The following UBE2H variants were observed in gnomAD, a reference collection of about 807,000 sequenced individuals.
UBE2H encodes the protein ubiquitin conjugating enzyme E2 H.
In UBE2H, 3 loss-of-function variants were observed where a neutral mutation model predicts 29.0. The ratio of observed to expected loss-of-function variants is 0.10; its 90% CI spans 0.05 to 0.27. The LOEUF is 0.27. UBE2H is among the 10% of genes least tolerant of loss of function. UBE2H has a pLI of 1.00. For synonymous variants in UBE2H, 69 were observed against 82.9 expected (o/e 0.83, Z 0.91); for missense variants, 68 against 228.2 (o/e 0.30, Z 4.52).
intron 1 of UBE2H, among the ~76,000 whole-genome samples, chr7:129,907,536 CA>C (rs1425055470): frequency 6.6e-6 from 1 of 152,094 alleles, no homozygotes; most frequent in Admixed American, 6.5e-5. Context: ...GATAAGTAGA[CA>C]AAAAGCAAGA....
chr7:129,898,955 G>A (rs866645621), intron 1 of UBE2H, among the ~76,000 whole-genome samples: 3 of 151,988 alleles, frequency 2.0e-5, no homozygotes, highest in Non-Finnish European at 4.4e-5. Context: ...ACACATCCAC[G>A]TCATCACATA....
chr7:129,894,432 C>T (rs1806560275), intron 1 of UBE2H, among the ~76,000 whole-genome samples: 1 of 151,892 alleles, frequency 6.6e-6, no homozygotes, highest in African/African-American at 2.4e-5. Flanking sequence ...AGAACAAGAC[C>T]TTGTCTCTAA....
intron 1 of UBE2H, among the ~76,000 whole-genome samples, chr7:129,936,584 ACTCCATCT>A: frequency 8.1e-6 from 1 of 123,402 alleles, no homozygotes; most frequent in Non-Finnish European, 1.8e-5. Context: ...ACACAGCCAG[ACTCCATCT>A]CAAAAAAAAA....
At chr7:129,852,182 T>G (rs557928076) in intron 5 of UBE2H, among the ~76,000 whole-genome samples, 2 of 152,386 alleles carry the variant, frequency 1.3e-5, no homozygotes, top group Admixed American at 6.5e-5. Flanking sequence ...GGAAACAGCA[T>G]GCACTAATCC....
chr7:129,855,573 T>C (rs994798922), intron 5 of UBE2H, among the ~76,000 whole-genome samples: 2 of 152,310 alleles, frequency 1.3e-5, no homozygotes, highest in Middle Eastern at 3.4e-3. Context: ...AGACAACAAA[T>C]AGTCGAACCC....
At chr7:129,890,587 A>G (rs1255511602) in intron 1 of UBE2H, among the ~76,000 whole-genome samples, 1 of 152,038 alleles carries the variant, frequency 6.6e-6, no homozygotes, top group Non-Finnish European at 1.5e-5. Context: ...CATGTTGGCC[A>G]GGCTGGGATT....
At chr7:129,935,279 T>C (rs1807503755) in intron 1 of UBE2H, among the ~76,000 whole-genome samples, 1 of 151,486 alleles carries the variant, frequency 6.6e-6, no homozygotes, top group Non-Finnish European at 1.5e-5. Context: ...CTGGGCGTGG[T>C]AGTGCATGCC....
At chr7:129,883,747 C>A (rs1177807861) in intron 1 of UBE2H, among the ~76,000 whole-genome samples, 2 of 152,108 alleles carry the variant, frequency 1.3e-5, no homozygotes, top group African/African-American at 4.8e-5. Flanking sequence ...GAGGCTGAAG[C>A]AGGAGAATCG....
At chr7:129,889,844 G>C (rs1806437267) in intron 1 of UBE2H, among the ~76,000 whole-genome samples, 1 of 152,146 alleles carries the variant, frequency 6.6e-6, no homozygotes, top group Admixed American at 6.5e-5. Context: ...TTAAACATTA[G>C]CCAGGTATGG....
At chr7:129,885,468 C>T (rs1214841413) in intron 1 of UBE2H, among the ~76,000 whole-genome samples, 3 of 152,120 alleles carry the variant, frequency 2.0e-5, no homozygotes, top group Non-Finnish European at 4.4e-5. Flanking sequence ...CTATCCTTTA[C>T]CTGGATGCGA....
intron 1 of UBE2H, among the ~76,000 whole-genome samples, chr7:129,940,514 A>G (rs1430135813): frequency 6.6e-6 from 1 of 152,172 alleles, no homozygotes; most frequent in African/African-American, 2.4e-5. Flanking sequence ...CTCTCCCTTC[A>G]CAAGGGCTAC....
At chr7:129,858,773 C>T in intron 4 of UBE2H, 129 bp downstream of exon 4, 1 of 767,272 alleles carries the variant, frequency 1.3e-6, no homozygotes, top group Non-Finnish European at 2.1e-6. Context: ...CTATCATTTA[C>T]ATGACCATTC....
At chr7:129,855,281 G>A (rs542767986) in intron 5 of UBE2H, among the ~76,000 whole-genome samples, 2 of 152,288 alleles carry the variant, frequency 1.3e-5, no homozygotes, top group African/African-American at 2.4e-5. Context: ...AAAAGCTTTA[G>A]CAAAACTAAA....
chr7:129,924,616 T>TCACA (rs147228151), intron 1 of UBE2H, among the ~76,000 whole-genome samples: 11,219 of 143,872 alleles, frequency 0.078, 462 homozygotes, highest in South Asian at 0.17. Flanking sequence ...CCTTTTACAT[T>TCACA]CACACACACA....
chr7:129,839,001 G>A (rs1805378961), intron 6 of UBE2H, among the ~76,000 whole-genome samples: 1 of 152,176 alleles, frequency 6.6e-6, no homozygotes, highest in Admixed American at 6.5e-5. Context: ...TTAAGGATGG[G>A]AAAATAGGAT....
intron 1 of UBE2H, among the ~76,000 whole-genome samples, chr7:129,897,354 A>G (rs1206758879): frequency 6.6e-6 from 1 of 152,224 alleles, no homozygotes; most frequent in Non-Finnish European, 1.5e-5. Flanking sequence ...AGCTCTAATC[A>G]TAGTCTGCTC....
At chr7:129,930,183 T>C (rs7804954) in intron 1 of UBE2H, among the ~76,000 whole-genome samples, 148,211 of 152,122 alleles carry the variant, frequency 0.97, 72,271 homozygotes, top group East Asian at 1. Flanking sequence ...TTTTTTGCGA[T>C]GGGGTTTCGC....
At chr7:129,848,692 T>C (rs1805554650) in intron 5 of UBE2H, among the ~76,000 whole-genome samples, 1 of 152,254 alleles carries the variant, frequency 6.6e-6, no homozygotes, top group African/African-American at 2.4e-5. Flanking sequence ...TTAGGAACTG[T>C]ATTGAATTCG....
chr7:129,839,068 C>T (rs980731782), intron 6 of UBE2H, 139 bp downstream of exon 6: 3 of 1,310,790 alleles, frequency 2.3e-6, no homozygotes, highest in Admixed American at 5.3e-5. Context: ...TTGGTGAGCA[C>T]TACTTCAGCC....
Sources: allele counts gnomAD v4.1 joint callset (sites outside exome capture counted in the v4.1 genomes callset), GRCh38; gene constraint gnomAD v4.1.1; transcripts MANE v1.5; gene names NCBI Gene and HGNC (gene_info 2026-07-23, HGNC 2026-07-21).